RABEP1: variants seen among roughly 807,000 people sequenced by gnomAD.
RABEP1 encodes the protein rab GTPase-binding effector protein 1.
In RABEP1, 51 loss-of-function variants were observed where a neutral mutation model predicts 123.4. That is an observed-to-expected ratio of 0.41 (90% CI 0.33 to 0.52). The LOEUF is 0.52. Among genes scored for constraint, RABEP1 ranks in the 20% least tolerant of loss-of-function variants. The pLI is 0.16. For missense variants in RABEP1, 888 were observed against 996.3 expected (o/e 0.89, Z 1.46); for synonymous variants, 347 against 355.2 (o/e 0.98, Z 0.26).
At chr17:5,291,122 CTA>C (rs918515771) in intron 1 of RABEP1, among the ~76,000 whole-genome samples, 2 of 152,056 alleles carry the variant, frequency 1.3e-5, no homozygotes, top group African/African-American at 4.8e-5. Context: ...TAAAAGAAAA[CTA>C]GACTTGCTGA....
chr17:5,285,848 A>G (rs983570602), intron 1 of RABEP1, among the ~76,000 whole-genome samples: 1 of 108,478 alleles, frequency 9.2e-6, no homozygotes, highest in Non-Finnish European at 1.7e-5. Flanking sequence ...GGCCTTCTTC[A>G]TTCTTCTTAA....
intron 13 of RABEP1, among the ~76,000 whole-genome samples, chr17:5,376,610 A>G (rs1255261264): frequency 6.6e-6 from 1 of 152,206 alleles, no homozygotes; most frequent in East Asian, 1.9e-4. Context: ...CACCTTTGCC[A>G]TTATTTACCT....
At chr17:5,369,041 T>A (rs1291083316) in intron 12 of RABEP1, among the ~76,000 whole-genome samples, 1 of 151,714 alleles carries the variant, frequency 6.6e-6, no homozygotes, top group African/African-American at 2.4e-5. Flanking sequence ...CCTGGGAGGC[T>A]GAAGTTGCAG....
rs1489782689 is a variant in RABEP1 at position 5,350,627 on chromosome 17, C to A, written c.961C>A (p.Gln321Lys). 1.2e-6 allele frequency: 2 copies of A among 1,613,598 alleles called. No individual in the cohort carries two copies. Among genetic ancestry groups the A allele is most frequent in the Non-Finnish European group, 1.7e-6 (2 of 1,179,906 alleles). ...RQVEELKKKD[Q>K]EDDEQQRLNK... ...AGTTGAAGAACTGAAGAAGAAAGAT[C>A]AGGTGAATAGAAGTTTTTAGGACTG... Residue 321 changes from glutamine (Q) to lysine (K), a missense_variant and splice_region_variant, in exon 7 of 18, where the codon CAG (glutamine) becomes AAG (lysine). Physicochemically the swap from Gln to Lys is moderately conservative, Grantham distance 53. Coordinates refer to ENST00000537505, the MANE Select transcript of RABEP1 (RefSeq NM_004703.6).
intron 13 of RABEP1, 40 bp from the exon 14 acceptor site, chr17:5,377,076 A>C: frequency 6.5e-7 from 1 of 1,530,188 alleles, no homozygotes; most frequent in South Asian, 1.3e-5. Flanking sequence ...ATTTCCTTTC[A>C]CTCTCACAAA....
Position 5,369,847 on chromosome 17 carries a change from T to C in RABEP1, c.1884+1379T>C, listed in dbSNP as rs374002840. ...TCCTGAGTAGCTGGGATTACAGGCA[T>C]GCACCACCACACCCGGCTAATTTTG... On this transcript the variant is annotated intron_variant, in intron 12 of 17. Transcript: ENST00000537505. Among the ~76,000 whole-genome samples, 7 of 152,196 alleles carry C rather than the reference T, an allele frequency of 4.6e-5. No individual in the cohort carries two copies. The South Asian group carries it at 1.5e-3, about 32-fold the overall frequency.
chr17:5,315,724 C>T (rs191611613), intron 2 of RABEP1, among the ~76,000 whole-genome samples: 20 of 152,278 alleles, frequency 1.3e-4, no homozygotes, highest in Admixed American at 1.3e-3. Context: ...TGGTGGTGCA[C>T]ATCTGTAATC....
At chr17:5,347,520 T>C (rs891385601) in intron 6 of RABEP1, among the ~76,000 whole-genome samples, 13 of 151,972 alleles carry the variant, frequency 8.6e-5, no homozygotes, top group Admixed American at 7.9e-4. Flanking sequence ...CAACTACTTT[T>C]CCCCCCACAC....
At chr17:5,284,081 T>C (rs1313358228) in intron 1 of RABEP1, 2 of 152,230 alleles carry the variant, frequency 1.3e-5, no homozygotes, top group East Asian at 3.8e-4. Context: ...TAGGTATGCA[T>C]AGCTGGCTGC....
chr17:5,361,458 C>T lies in RABEP1; in HGVS notation c.1346C>T (p.Ser449Phe). Residue 449 changes from serine to phenylalanine, a missense_variant, in exon 9 of 18, where the codon TCT becomes TTT. Coordinates refer to ENST00000537505, the MANE Select transcript of RABEP1 (RefSeq NM_004703.6). ...FGPLVGADSV[S>F]ENFDTASLGS... ...CCACTGGTAGGAGCAGATTCAGTGT[C>T]TGAGAACTTTGATACTGCATCCCTT... 6.2e-7 allele frequency: 1 copy of T among 1,614,148 alleles called. No individual in the cohort carries two copies. The highest frequency in any genetic ancestry group is 8.5e-7 in the Non-Finnish European group (1 of 1,180,032).
rs978473364 is a variant in RABEP1 at position 5,307,093 on chromosome 17, T to C, written c.35-1601T>C. Among the ~76,000 whole-genome samples the C allele has an allele frequency of 2.0e-5, 3 of 151,976 alleles. No homozygotes were observed. The East Asian group carries it at 5.8e-4, about 29-fold the overall frequency. On this transcript the variant is annotated intron_variant, in intron 1 of 17. Transcript: ENST00000537505. ...CAGCACTTTGGGAGGCCGAGGTGGG[T>C]GGATCATTTGAGGTCAAGAGTTAGA...
chr17:5,325,339 C>CAA (rs956841376), intron 2 of RABEP1, among the ~76,000 whole-genome samples: 1 of 143,012 alleles, frequency 7.0e-6, no homozygotes, highest in Non-Finnish European at 1.5e-5. Context: ...AAACTCCGTC[C>CAA]AAAAAAAAAA....
At chr17:5,305,454 A>G (rs1290352580) in intron 1 of RABEP1, among the ~76,000 whole-genome samples, 3 of 152,172 alleles carry the variant, frequency 2.0e-5, no homozygotes, top group Non-Finnish European at 4.4e-5. Flanking sequence ...TCTTGGCTGC[A>G]TCTTTAACAG....
intron 2 of RABEP1, among the ~76,000 whole-genome samples, chr17:5,328,282 A>C (rs1331435251): frequency 6.6e-6 from 1 of 152,204 alleles, no homozygotes; most frequent in Non-Finnish European, 1.5e-5. Context: ...TCTAGGTGAT[A>C]GGTAATAGGT....
intron 2 of RABEP1, among the ~76,000 whole-genome samples, chr17:5,318,903 C>G (rs139692305): frequency 1.1e-4 from 16 of 152,252 alleles, no homozygotes; most frequent in African/African-American, 3.6e-4. Context: ...GTTCAACATT[C>G]AAAAATCAAT....
chr17:5,328,481 C>CA (rs1024978879), intron 2 of RABEP1, among the ~76,000 whole-genome samples: 5 of 150,318 alleles, frequency 3.3e-5, no homozygotes, highest in Admixed American at 6.6e-5. Context: ...TCCCTCTCTA[C>CA]AAAAAAATAC....
At chr17:5,380,625 A>G (rs945483186) in intron 16 of RABEP1, 163 bp downstream of exon 16, 12 of 670,738 alleles carry the variant, frequency 1.8e-5, no homozygotes, top group African/African-American at 1.1e-4. Context: ...GAATTGATCT[A>G]TTCCAGCTGG....
intron 17 of RABEP1, among the ~76,000 whole-genome samples, chr17:5,382,493 A>C (rs1911559891): frequency 6.6e-6 from 1 of 151,578 alleles, no homozygotes; most frequent in Admixed American, 6.6e-5. Flanking sequence ...TCACGCCTAT[A>C]ATCCCAGCAG....
At chr17:5,326,842 G>A (rs1250318722) in intron 2 of RABEP1, among the ~76,000 whole-genome samples, 1 of 152,140 alleles carries the variant, frequency 6.6e-6, no homozygotes, top group Non-Finnish European at 1.5e-5. Context: ...GCATTGCTTC[G>A]TGATGGCGAT....
Sources: allele counts gnomAD v4.1 joint callset (sites outside exome capture counted in the v4.1 genomes callset), GRCh38; gene constraint gnomAD v4.1.1; transcripts MANE v1.5; gene names NCBI Gene and HGNC (gene_info 2026-07-23, HGNC 2026-07-21).